Variants in NUP153 observed in about 807,000 individuals in gnomAD.
NUP153 encodes the protein nucleoporin 153, also known as nuclear pore complex protein Nup153.
Under a neutral mutation model 134.6 loss-of-function variants are expected in NUP153, and 27 were observed. The observed-to-expected ratio is 0.20, with a 90% CI of 0.15 to 0.28. The LOEUF is 0.28. Ranked by LOEUF, NUP153 falls within the 10% of genes least tolerant of loss-of-function variation. The probability of loss-of-function intolerance (pLI) is 1.00; values close to 1 mark genes in which losing one functional copy is unlikely to be tolerated. For synonymous variants in NUP153, 640 were observed against 623.5 expected (o/e 1.03, Z -0.40); for missense variants, 1,821 against 1,731.3 (o/e 1.05, Z -0.92).
Position 17,624,757 on chromosome 6 carries a change from T to A in NUP153, c.3978A>T (p.Thr1326=), listed in dbSNP as rs1282142673. The change falls in exon 20 of 22, where the codon ACA becomes ACT. Residue 1326 remains threonine (T), a synonymous_variant. Coordinates refer to ENST00000262077, the MANE Select transcript of NUP153 (RefSeq NM_005124.4). The part of the protein sequence containing the change: ...SPAFGANQTP[T]FGQSQGASQP... ...GGCTGGCACCTTGACTTTGTCCAAA[T>A]GTTGGGGTCTGGTTAGCACCAAATG... 1 of 1,614,150 alleles carries A rather than the reference T, an allele frequency of 6.2e-7. No individual in the cohort carries two copies. Among genetic ancestry groups the A allele is most frequent in the Non-Finnish European group, 8.5e-7 (1 of 1,180,002 alleles).
In NUP153 at chr6:17,697,336, C is replaced by G. The variant is rs1769720836; in HGVS notation, c.112-8718G>C. On this transcript the variant is annotated intron_variant, in intron 1 of 21. Transcript: ENST00000262077. Reference sequence around the variant, plus strand: ...ATACTACATACATATCAGGAACATTCAACGTATAAGGTATTGTGAATACAT... The same window carrying G: ...ATACTACATACATATCAGGAACATTGAACGTATAAGGTATTGTGAATACAT... Among the ~76,000 whole-genome samples the G allele has an allele frequency of 1.3e-5, 2 of 152,144 alleles. 1 individual carries two copies. Among genetic ancestry groups the G allele is most frequent in the Non-Finnish European group, 2.9e-5 (2 of 68,038 alleles).
intron 1 of NUP153, among the ~76,000 whole-genome samples, chr6:17,696,626 A>G (rs1285421063): frequency 1.3e-5 from 2 of 151,952 alleles, no homozygotes; most frequent in East Asian, 1.9e-4. Context: ...GTGGTGGTGG[A>G]TGCCTGTAGT....
chr6:17,691,763 C>G (rs966110861), intron 1 of NUP153, among the ~76,000 whole-genome samples: 3 of 152,066 alleles, frequency 2.0e-5, no homozygotes, highest in Non-Finnish European at 4.4e-5. Flanking sequence ...CAAAAAAAGA[C>G]TTAAAAACAA....
rs1250982532 is a variant in NUP153 at position 17,665,234 on chromosome 6, C to T, written c.1215+5G>A. 6.3e-7 allele frequency: 1 copy of T among 1,592,360 alleles called. No individual in the cohort carries two copies. Reference sequence around the variant, plus strand: ...AAAGACTGGTAGAAATATACATATACTCACACTGCACTTGTTATCTATTCT... The same window carrying T: ...AAAGACTGGTAGAAATATACATATATTCACACTGCACTTGTTATCTATTCT... On this transcript the variant is annotated splice_donor_5th_base_variant and intron_variant, in intron 9 of 21. Coordinates refer to ENST00000262077, the MANE Select transcript of NUP153 (RefSeq NM_005124.4).
At chr6:17,640,669 T>C (rs993692023) in intron 14 of NUP153, among the ~76,000 whole-genome samples, 1 of 152,128 alleles carries the variant, frequency 6.6e-6, no homozygotes, top group African/African-American at 2.4e-5. Context: ...AAGGCCGGAG[T>C]ACAGTGGTGC....
intron 13 of NUP153, among the ~76,000 whole-genome samples, chr6:17,647,085 G>A (rs1009144631): frequency 6.6e-6 from 1 of 152,022 alleles, no homozygotes; most frequent in Non-Finnish European, 1.5e-5. Context: ...TAAAAAGTAT[G>A]ACACTTCTGG....
chr6:17,678,453 A>G (rs1032422156), intron 2 of NUP153, among the ~76,000 whole-genome samples: 5 of 152,114 alleles, frequency 3.3e-5, no homozygotes, highest in African/African-American at 1.2e-4. Flanking sequence ...ATAAAGAGTG[A>G]ATTTTAAATT....
At chr6:17,684,160 G>A (rs1768776082) in intron 2 of NUP153, among the ~76,000 whole-genome samples, 1 of 152,168 alleles carries the variant, frequency 6.6e-6, no homozygotes, top group South Asian at 2.1e-4. Flanking sequence ...CACACAGTTT[G>A]CAGAACCATG....
At chr6:17,617,783 C>T (rs1002382854) in intron 20 of NUP153, among the ~76,000 whole-genome samples, 1 of 151,828 alleles carries the variant, frequency 6.6e-6, no homozygotes, top group African/African-American at 2.4e-5. Context: ...AGGTCGAGGA[C>T]GCAGTGTGCC....
At chr6:17,658,922 T>G (rs1362408300) in intron 11 of NUP153, among the ~76,000 whole-genome samples, 1 of 152,166 alleles carries the variant, frequency 6.6e-6, no homozygotes, top group South Asian at 2.1e-4. Flanking sequence ...GCCGCCGGTC[T>G]AATCCACTAC....
At chr6:17,694,560 G>T (rs1769512322) in intron 1 of NUP153, among the ~76,000 whole-genome samples, 1 of 152,106 alleles carries the variant, frequency 6.6e-6, no homozygotes, top group Admixed American at 6.6e-5. Context: ...AGGAGGCTGA[G>T]GGGGAAGAAT....
At chr6:17,673,628 G>C (rs555621908) in intron 5 of NUP153, among the ~76,000 whole-genome samples, 3 of 152,074 alleles carry the variant, frequency 2.0e-5, no homozygotes, top group African/African-American at 7.2e-5. Context: ...TAGTCATTAC[G>C]GAAGTACAAA....
rs566656362 is a variant in NUP153, at chr6:17,632,179, G to A, written c.2659+471C>T. Among the ~76,000 whole-genome samples, 41 of 152,162 alleles carry A rather than the reference G, an allele frequency of 2.7e-4. No individual in the cohort carries two copies. In the South Asian group the frequency reaches 8.1e-3, roughly 30 times the overall value. ...CATCTGGGCGCGGTGGCTCACACCTGTAATCCCAGCTACTTGGGAGGCTGA... is the reference window on the plus strand; with the variant it reads ...CATCTGGGCGCGGTGGCTCACACCTATAATCCCAGCTACTTGGGAGGCTGA... On this transcript the variant is annotated intron_variant, in intron 17 of 21. Coordinates refer to ENST00000262077, the MANE Select transcript of NUP153 (RefSeq NM_005124.4).
intron 2 of NUP153, among the ~76,000 whole-genome samples, chr6:17,685,091 A>G (rs562998540): frequency 6.6e-6 from 1 of 152,382 alleles, no homozygotes; most frequent in East Asian, 1.9e-4. Flanking sequence ...GGATTGCCAC[A>G]AACTCAATTT....
At chr6:17,701,267 C>T (rs1398975208) in intron 1 of NUP153, among the ~76,000 whole-genome samples, 3 of 150,968 alleles carry the variant, frequency 2.0e-5, no homozygotes, top group Admixed American at 6.6e-5. Flanking sequence ...CAGTGGCTCA[C>T]GCTTATAATC....
intron 21 of NUP153, 61 bp from the exon 22 acceptor site, chr6:17,616,242 A>G: frequency 9.8e-7 from 1 of 1,023,386 alleles, no homozygotes; most frequent in Non-Finnish European, 1.4e-6. Context: ...TCCAAATGCT[A>G]ACATTTACCA....
chr6:17,651,954 G>T (rs1264780985), intron 11 of NUP153: 1 of 610,784 alleles, frequency 1.6e-6, no homozygotes, highest in East Asian at 2.8e-5. Context: ...AATTGGCGAG[G>T]TATGATGGCA....
chr6:17,688,539 T>C lies in NUP153; in HGVS notation c.191A>G (p.Asp64Gly). Residue 64 changes from aspartate to glycine, a missense_variant, in exon 2 of 22, where the codon GAT (aspartate) becomes GGT (glycine). Physicochemically the swap from Asp to Gly is moderately conservative, Grantham distance 94. Coordinates refer to ENST00000262077, the MANE Select transcript of NUP153 (RefSeq NM_005124.4). ...TGTGTCTGTTGAACAGCTGCATACATCTTCATTCTTGTTGAAGTATCTTTG... is the reference window on the plus strand; with the variant it reads ...TGTGTCTGTTGAACAGCTGCATACACCTTCATTCTTGTTGAAGTATCTTTG... The part of the protein sequence containing the change: ...WLQRYFNKNE[D>G]VCSCSTDTSE... The C allele has an allele frequency of 6.2e-7, 1 of 1,614,164 alleles. No individual in the cohort carries two copies. Among genetic ancestry groups the C allele is most frequent in the South Asian group, 1.1e-5 (1 of 91,082 alleles).
intron 9 of NUP153, among the ~76,000 whole-genome samples, chr6:17,664,861 T>C (rs1367453227): frequency 1.3e-5 from 2 of 151,972 alleles, no homozygotes; most frequent in Non-Finnish European, 2.9e-5. Context: ...GAGACCAGCC[T>C]GGCCAACATA....
Sources: gnomAD v4.1 joint callset for allele counts (sites outside exome capture counted in the v4.1 genomes callset) on GRCh38, gnomAD v4.1.1 for gene constraint, MANE v1.5 for transcripts, NCBI Gene and HGNC (gene_info 2026-07-23, HGNC 2026-07-21) for gene names.